LIMD1: variants seen among roughly 807,000 people sequenced by gnomAD.
The protein encoded by LIMD1 is LIM domain-containing protein 1.
LIMD1 carries 23 observed loss-of-function variants against 58.4 expected under a neutral mutation model. The ratio of observed to expected loss-of-function variants is 0.39; its 90% CI spans 0.28 to 0.56. LIMD1 has a LOEUF of 0.56. Among genes scored for constraint, LIMD1 ranks in the 20% least tolerant of loss-of-function variants. The pLI is 0.57. For synonymous variants in LIMD1, 334 were observed against 345.5 expected (o/e 0.97, Z 0.37); for missense variants, 838 against 855.5 (o/e 0.98, Z 0.25).
At chr3:45,596,312 C>CAA in intron 1 of LIMD1, 25 bp downstream of exon 1, 1 of 1,552,520 alleles carries the variant, frequency 6.4e-7, no homozygotes, top group Non-Finnish European at 8.7e-7. Flanking sequence ...GGTGGAGTTG[C>CAA]CTATGGTGGG....
At chr3:45,654,502 T>C (rs1702005838) in intron 2 of LIMD1, among the ~76,000 whole-genome samples, 1 of 152,182 alleles carries the variant, frequency 6.6e-6, no homozygotes, top group Non-Finnish European at 1.5e-5. Flanking sequence ...CATTTTTCTC[T>C]TTTAAACTGA....
At chr3:45,649,445 G>T (rs1354300575) in intron 2 of LIMD1, among the ~76,000 whole-genome samples, 1 of 151,614 alleles carries the variant, frequency 6.6e-6, no homozygotes, top group African/African-American at 2.4e-5. Flanking sequence ...ACTTTGGGAG[G>T]CCGAGGCGGG....
At position 45,594,806 on chromosome 3, in the gene LIMD1, C is replaced by CACACACACACACACACACGGCACCTGG. The variant is rs1701319795; in HGVS notation, c.-56_-55insGGCACCTGGACACACACACACACACAC. The CACACACACACACACACACGGCACCTGG allele has an allele frequency of 1.9e-5, 9 of 486,272 alleles. No homozygotes were observed. Among genetic ancestry groups the CACACACACACACACACACGGCACCTGG allele is most frequent in the African/African-American group, 1.8e-4 (9 of 50,058 alleles). The allele number at this position is 486,272 out of a possible 1,614,324, so 30.1% of individuals were successfully genotyped here. ...ACACACACACACACACACACACACA[C>CACACACACACACACACACGGCACCTGG]ACACACACACACACACACACACACA... On this transcript the variant is annotated 5_prime_UTR_variant, in exon 1 of 8. Coordinates refer to ENST00000273317, the MANE Select transcript of LIMD1 (RefSeq NM_014240.3).
Position 45,596,009 on chromosome 3 carries a change from T to C in LIMD1, c.1130T>C (p.Leu377Pro), listed in dbSNP as rs777286157. 1.3e-5 allele frequency: 21 copies of C among 1,614,070 alleles called. No individual in the cohort carries two copies. In the South Asian group the frequency reaches 2.3e-4, roughly 18 times the overall value. Residue 377 changes from leucine (L) to proline (P), a missense_variant, in exon 1 of 8, where the codon CTT becomes CCT. Around this residue, in one of 3 missense-constraint regions of LIMD1, gnomAD observed 659 missense variants for 639.8 expected, o/e 1.03. Transcript: ENST00000273317. The stretch of plus-strand genomic sequence containing the variant: ...GGGCCGAAGCCTGGCTGCACAGACC[T>C]TGGCACTGGTCCCAAGCTCAGCCCC... ...GLGPKPGCTD[L>P]GTGPKLSPTS...
At chr3:45,655,145 C>T (rs562817624) in intron 2 of LIMD1, among the ~76,000 whole-genome samples, 4 of 152,106 alleles carry the variant, frequency 2.6e-5, no homozygotes, top group Non-Finnish European at 5.9e-5. Context: ...GTGTCGAACT[C>T]CTGACCTCAA....
chr3:45,665,105 G>A (rs567014729), intron 2 of LIMD1, among the ~76,000 whole-genome samples: 2 of 152,170 alleles, frequency 1.3e-5, no homozygotes, highest in South Asian at 2.1e-4. Context: ...CCGCCTACTC[G>A]TTTTAGGTCA....
At chr3:45,626,313 A>G (rs970255581) in intron 1 of LIMD1, among the ~76,000 whole-genome samples, 6 of 152,236 alleles carry the variant, frequency 3.9e-5, no homozygotes, top group Admixed American at 2.0e-4. Context: ...AAGCTTATTC[A>G]TAATGACAAA....
In LIMD1 at chr3:45,680,333, G is replaced by A. The variant is rs558862490; in HGVS notation, c.*3274G>A. The A allele has an allele frequency of 2.1e-4, 32 of 151,158 alleles. No homozygotes were observed. Among genetic ancestry groups the A allele is most frequent in the African/African-American group, 7.5e-4 (31 of 41,182 alleles). The allele number at this position is 151,158 out of a possible 1,614,324, so 9.4% of individuals were successfully genotyped here. The stretch of plus-strand genomic sequence containing the variant: ...TCTTTTCTTTTCTTTTTTTTTTTGA[G>A]ACAGGGCCTCACTCTGTTGCCCAGG... On this transcript the variant is annotated 3_prime_UTR_variant, in exon 8 of 8. Transcript: ENST00000273317.
chr3:45,633,377 C>A (rs1306043626), intron 1 of LIMD1, among the ~76,000 whole-genome samples: 1 of 152,120 alleles, frequency 6.6e-6, no homozygotes, highest in African/African-American at 2.4e-5. Context: ...GGTAGACTTA[C>A]ACTTTTTGTG....
At chr3:45,619,660 G>A (rs1241710422) in intron 1 of LIMD1, among the ~76,000 whole-genome samples, 2 of 152,006 alleles carry the variant, frequency 1.3e-5, no homozygotes, top group African/African-American at 2.4e-5. Flanking sequence ...TTAGCCGGGT[G>A]TGGTGATGGG....
intron 1 of LIMD1, among the ~76,000 whole-genome samples, chr3:45,630,915 C>G (rs1052331213): frequency 6.6e-6 from 1 of 152,116 alleles, no homozygotes; most frequent in Non-Finnish European, 1.5e-5. Flanking sequence ...TTGAAATCCC[C>G]AAGTCTGGCT....
At chr3:45,648,378 G>A (rs943354782) in intron 2 of LIMD1, among the ~76,000 whole-genome samples, 2 of 152,048 alleles carry the variant, frequency 1.3e-5, no homozygotes, top group South Asian at 2.1e-4. Context: ...TTCACTTAGC[G>A]TGCATTCCAG....
At chr3:45,638,597 T>C (rs1469378090) in intron 2 of LIMD1, among the ~76,000 whole-genome samples, 1 of 152,214 alleles carries the variant, frequency 6.6e-6, no homozygotes, top group African/African-American at 2.4e-5. Flanking sequence ...TTGTGAATAG[T>C]GTGGTGATAA....
intron 2 of LIMD1, among the ~76,000 whole-genome samples, chr3:45,659,927 T>TA (rs1313464002): frequency 6.6e-6 from 1 of 152,198 alleles, no homozygotes; most frequent in Non-Finnish European, 1.5e-5. Flanking sequence ...CACAAACACT[T>TA]AAAAAATCTT....
Position 45,636,238 on chromosome 3 carries a change from C to G in LIMD1, c.1497C>G (p.Thr499=). ...MGNLYHDTCF[T]CAACSRKLRG... is the part of the protein sequence containing the mutation. ...ACCTCTACCATGACACATGCTTCAC[C>G]TGTGCAGCTTGCAGTAAGTGTGGGT... The change falls in exon 2 of 8, where the codon ACC becomes ACG. Residue 499 remains threonine, a synonymous_variant. Transcript: ENST00000273317. The G allele has an allele frequency of 6.2e-7, 1 of 1,609,638 alleles. No individual in the cohort carries two copies. The highest frequency in any genetic ancestry group is 1.1e-5 in the South Asian group (1 of 90,434).
At chr3:45,623,933 T>A (rs774231821) in intron 1 of LIMD1, among the ~76,000 whole-genome samples, 6 of 152,162 alleles carry the variant, frequency 3.9e-5, no homozygotes, top group Admixed American at 1.3e-4. Context: ...GATATGCGTG[T>A]TAGTCAGGAG....
At chr3:45,635,856 A>G (rs1205005013) in intron 1 of LIMD1, 1 of 984,200 alleles carries the variant, frequency 1.0e-6, no homozygotes, top group Non-Finnish European at 1.2e-6. Context: ...GGAACCTTCG[A>G]AAGCTTTGGG....
intron 1 of LIMD1, among the ~76,000 whole-genome samples, chr3:45,614,255 C>G (rs1252502059): frequency 2.0e-5 from 3 of 152,060 alleles, no homozygotes; most frequent in African/African-American, 7.2e-5. Context: ...AGGCTGGGCA[C>G]AGTGGCTCAT....
intron 4 of LIMD1, among the ~76,000 whole-genome samples, chr3:45,668,771 C>T (rs559411660): frequency 6.6e-6 from 1 of 152,070 alleles, no homozygotes; most frequent in African/African-American, 2.4e-5. Flanking sequence ...AAAAAAAGTC[C>T]CTGTAAAGTA....
Sources: allele counts gnomAD v4.1 joint callset (sites outside exome capture counted in the v4.1 genomes callset), GRCh38; gene constraint gnomAD v4.1.1; regional missense constraint gnomAD v4.1.1; transcripts MANE v1.5; gene names NCBI Gene and HGNC (gene_info 2026-07-23, HGNC 2026-07-21).